The following NRG1 variants were observed in gnomAD, a reference collection of about 807,000 sequenced individuals.
NRG1 encodes neuregulin 1.
In NRG1, 18 loss-of-function variants were observed where a neutral mutation model predicts 63.8. The observed-to-expected ratio is 0.28, with a 90% CI of 0.19 to 0.42. The LOEUF is 0.42. NRG1 is among the 10% of genes least tolerant of loss of function. The pLI, the probability that NRG1 is intolerant of heterozygous loss-of-function variation, is 1.00. For missense variants in NRG1, 762 were observed against 814.7 expected, an observed-to-expected ratio of 0.94 and a Z score of 0.79; for synonymous variants, 302 against 301.3, an observed-to-expected ratio of 1.00 and a Z score of -0.02.
intron 1 of NRG1, among the ~76,000 whole-genome samples, chr8:32,474,450 G>A (rs1043415862): frequency 6.0e-5 from 9 of 150,284 alleles, no homozygotes; most frequent in African/African-American, 2.2e-4. Context: ...GGGTCCTGAA[G>A]ACCCTACCTC....
chr8:32,227,949 C>A (rs1459969242), intron 1 of NRG1, among the ~76,000 whole-genome samples: 1 of 152,174 alleles, frequency 6.6e-6, no homozygotes, highest in African/African-American at 2.4e-5. Flanking sequence ...TACAGGTATA[C>A]AAGTTGTTAG....
chr8:32,729,517 A>G (rs1488738896), intron 6 of NRG1, among the ~76,000 whole-genome samples: 1 of 152,202 alleles, frequency 6.6e-6, no homozygotes, highest in Non-Finnish European at 1.5e-5. Flanking sequence ...TGTCACAAAA[A>G]CTGTTTTCTG....
At chr8:31,824,473 TC>T (rs1824339486) in intron 1 of NRG1, among the ~76,000 whole-genome samples, 1 of 152,152 alleles carries the variant, frequency 6.6e-6, no homozygotes, top group East Asian at 1.9e-4. Flanking sequence ...CTAAATCCTT[TC>T]CTGGATCAGA....
chr8:32,559,854 G>GA (rs1412298362), intron 1 of NRG1, among the ~76,000 whole-genome samples: 1 of 146,738 alleles, frequency 6.8e-6, no homozygotes, highest in Non-Finnish European at 1.5e-5. Context: ...AAAAAAAAAA[G>GA]AAAGAAAAAG....
At chr8:32,482,397 T>TG (rs1461668873) in intron 1 of NRG1, among the ~76,000 whole-genome samples, 6 of 120,028 alleles carry the variant, frequency 5.0e-5, no homozygotes, top group Admixed American at 2.2e-4. Flanking sequence ...TCTTTCTACT[T>TG]TTGTGTGTGT....
chr8:32,140,537 A>C (rs1836113698), intron 1 of NRG1, among the ~76,000 whole-genome samples: 1 of 151,788 alleles, frequency 6.6e-6, no homozygotes, highest in African/African-American at 2.4e-5. Flanking sequence ...ATGACAACTC[A>C]ATGCAGTCTC....
intron 1 of NRG1, among the ~76,000 whole-genome samples, chr8:32,473,549 G>T (rs1047706752): frequency 6.6e-6 from 1 of 151,950 alleles, no homozygotes; most frequent in Non-Finnish European, 1.5e-5. Context: ...TTCCATCCTG[G>T]TTTCTAGACC....
At chr8:32,247,113 A>T (rs200685858) in intron 1 of NRG1, among the ~76,000 whole-genome samples, 9,008 of 56,110 alleles carry the variant, frequency 0.16, 482 homozygotes, top group African/African-American at 0.31. Flanking sequence ...GTTTTTTTTT[A>T]AAAAAAAGGA....
chr8:32,482,031 C>T (rs1351532889), intron 1 of NRG1, among the ~76,000 whole-genome samples: 3 of 152,136 alleles, frequency 2.0e-5, no homozygotes, highest in Admixed American at 6.5e-5. Flanking sequence ...TAGACAATTT[C>T]CATCTCTTTC....
chr8:32,016,268 G>T (rs182280612), intron 1 of NRG1, among the ~76,000 whole-genome samples: 36 of 151,958 alleles, frequency 2.4e-4, no homozygotes, highest in African/African-American at 7.0e-4. Context: ...TTGCTATGTT[G>T]CCCAGGCTGT....
chr8:31,666,091 G>A (rs1806512548), intron 1 of NRG1, among the ~76,000 whole-genome samples: 2 of 152,088 alleles, frequency 1.3e-5, no homozygotes, highest in Admixed American at 6.6e-5. Context: ...ACAGCCCTTC[G>A]AAAGGGCTTT....
intron 5 of NRG1, among the ~76,000 whole-genome samples, chr8:32,697,769 G>A (rs1324777610): frequency 6.6e-6 from 1 of 152,190 alleles, no homozygotes; most frequent in Non-Finnish European, 1.5e-5. Flanking sequence ...AAGCAGATAA[G>A]ATTTTCACAA....
intron 1 of NRG1, among the ~76,000 whole-genome samples, chr8:32,194,041 ACAGCCCTTGGAAT>A (rs2132232130): frequency 6.6e-6 from 1 of 152,326 alleles, no homozygotes; most frequent in South Asian, 2.1e-4. Flanking sequence ...CTTTGTTATG[ACAGCCCTTGGAAT>A]TGAATATGCT....
At chr8:32,647,922 G>A (rs755204744) in intron 5 of NRG1, 2 of 1,614,106 alleles carry the variant, frequency 1.2e-6, no homozygotes, top group Non-Finnish European at 1.7e-6. Context: ...GCGCCTGAGA[G>A]GTTGCCTCAA....
At position 32,237,380 on chromosome 8, in the gene NRG1, T is replaced by C. The variant is rs565586781; in HGVS notation, c.38-358448T>C. 3.9e-5 allele frequency among the ~76,000 whole-genome samples: 6 copies of C among 152,298 alleles called. No homozygotes were observed. In the South Asian group the frequency reaches 1.0e-3, roughly 26 times the overall value. On this transcript the variant is annotated intron_variant, in intron 1 of 10. Coordinates refer to the NRG1 transcript ENST00000519301. Reference sequence around the variant, plus strand: ...ATTTCCAACATCCCCTGGAACATAATGAAAACCAGAGAATTGCTTTTTTTT... The same window carrying C: ...ATTTCCAACATCCCCTGGAACATAACGAAAACCAGAGAATTGCTTTTTTTT...
At chr8:32,598,947 A>C (rs1392576777) in intron 2 of NRG1, among the ~76,000 whole-genome samples, 1 of 152,080 alleles carries the variant, frequency 6.6e-6, no homozygotes, top group Admixed American at 6.6e-5. Flanking sequence ...TTAAAACATT[A>C]ATATCCTGAA....
chr8:32,313,816 G>C (rs993431696), intron 1 of NRG1, among the ~76,000 whole-genome samples: 2 of 152,092 alleles, frequency 1.3e-5, no homozygotes, highest in African/African-American at 4.8e-5. Flanking sequence ...TCTCTTTTAA[G>C]TTTCTCTTCC....
chr8:31,889,448 G>A (rs1283816516), intron 1 of NRG1, among the ~76,000 whole-genome samples: 12 of 152,152 alleles, frequency 7.9e-5, no homozygotes, highest in African/African-American at 2.9e-4. Context: ...ACAGAACAAA[G>A]AGAATACATT....
At chr8:32,679,931 A>C (rs537519655) in intron 5 of NRG1, among the ~76,000 whole-genome samples, 1 of 152,306 alleles carries the variant, frequency 6.6e-6, no homozygotes, top group African/African-American at 2.4e-5. Context: ...CCTTTCTAGT[A>C]TTTTAAAAGA....
Sources: allele counts gnomAD v4.1 joint callset (sites outside exome capture counted in the v4.1 genomes callset), GRCh38; gene constraint gnomAD v4.1.1; transcripts MANE v1.5; gene names NCBI Gene and HGNC (gene_info 2026-07-23, HGNC 2026-07-21).